Variants in AGMO observed in about 807,000 individuals in gnomAD.
AGMO encodes the protein glyceryl-ether monooxygenase.
AGMO carries 75 observed loss-of-function variants against 60.2 expected under a neutral mutation model. The ratio of observed to expected loss-of-function variants is 1.25; its 90% CI spans 1.03 to 1.51. AGMO has a LOEUF of 1.51. AGMO is among the 40% of genes most tolerant of loss of function. AGMO has a pLI of 0.00. For synonymous variants in AGMO, 261 were observed against 177.1 expected (o/e 1.47, Z -3.76); for missense variants, 763 against 525.5 (o/e 1.45, Z -4.42).
intron 12 of AGMO, among the ~76,000 whole-genome samples, chr7:15,279,758 C>A (rs566092854): frequency 3.3e-3 from 506 of 152,294 alleles, no homozygotes; most frequent in African/African-American, 0.011. Flanking sequence ...TGGGGATAAA[C>A]TGCCTCTAGG....
rs1210783212 is a variant in AGMO, at chr7:15,431,076, G to A, written c.442C>T (p.His148Tyr). ...AAGTTATAGTCTTCAGAACTATGAT[G>A]TGTTTGGTGTCCGGCCCACATAATA... ...VNIMWAGHQT[H>Y]HSSEDYNLST... The change falls in exon 4 of 13, where the codon CAT becomes TAT. Residue 148 changes from histidine (H) to tyrosine (Y), a missense_variant. Coordinates refer to ENST00000342526, the MANE Select transcript of AGMO (RefSeq NM_001004320.2). 1 of 1,611,418 alleles carries A rather than the reference G, an allele frequency of 6.2e-7. No individual in the cohort carries two copies. Among genetic ancestry groups the A allele is most frequent in the East Asian group, 2.2e-5 (1 of 44,792 alleles).
intron 12 of AGMO, among the ~76,000 whole-genome samples, chr7:15,241,133 T>C (rs982531882): frequency 6.6e-6 from 1 of 151,854 alleles, no homozygotes; most frequent in Non-Finnish European, 1.5e-5. Context: ...ATGCGCTCAC[T>C]CTGGTAGGTA....
chr7:15,394,582 A>G (rs1036219089), intron 5 of AGMO, among the ~76,000 whole-genome samples: 2 of 152,176 alleles, frequency 1.3e-5, no homozygotes, highest in African/African-American at 2.4e-5. Context: ...ACACACCACT[A>G]TCACCAAGGC....
At chr7:15,431,151 A>C (rs780040135) in intron 3 of AGMO, 43 bp from the exon 4 acceptor site, 2 of 1,421,900 alleles carry the variant, frequency 1.4e-6, no homozygotes, top group South Asian at 2.3e-5. Flanking sequence ...GAATAAGAAC[A>C]AAGCAACTTC....
the AGMO span, among the ~76,000 whole-genome samples, chr7:15,159,760 A>G: frequency 6.6e-6 from 1 of 152,198 alleles, no homozygotes; most frequent in South Asian, 2.1e-4. Context: ...CTCAGAAAAA[A>G]TATTTCAAAG....
In AGMO at chr7:15,213,327, A is replaced by AT. The variant is rs1781647806; in HGVS notation, c.1264-11969dup. Among the ~76,000 whole-genome samples, 3 of 151,826 alleles carry AT rather than the reference A, an allele frequency of 2.0e-5. 1 individual carries two copies. Among genetic ancestry groups the AT allele is most frequent in the African/African-American group, 4.8e-5 (2 of 41,404 alleles). On this transcript the variant is annotated intron_variant, in intron 12 of 12. Transcript: ENST00000342526. Reference sequence around the variant, plus strand: ...GGGTCACAAATAGCTGAATTGTTTTATTTTCTCAGGACAAGCAGTTTATTT... The same window carrying AT: ...GGGTCACAAATAGCTGAATTGTTTTATTTTTCTCAGGACAAGCAGTTTATTT...
intron 12 of AGMO, among the ~76,000 whole-genome samples, chr7:15,343,697 G>A (rs558169314): frequency 3.6e-4 from 54 of 152,096 alleles, no homozygotes; most frequent in African/African-American, 1.3e-3. Context: ...TGAGCTTTGT[G>A]GTTTCAGCTT....
chr7:15,542,780 T>C (rs1232148657), intron 3 of AGMO, among the ~76,000 whole-genome samples: 1 of 152,208 alleles, frequency 6.6e-6, no homozygotes, highest in Non-Finnish European at 1.5e-5. Flanking sequence ...TTTGCATTTA[T>C]ATATGAGGAA....
chr7:15,472,301 A>C (rs1399265232), intron 3 of AGMO, among the ~76,000 whole-genome samples: 1 of 151,954 alleles, frequency 6.6e-6, no homozygotes, highest in East Asian at 1.9e-4. Flanking sequence ...AGAAAGAATA[A>C]TTGACAAAAA....
chr7:15,248,227 T>TATATGTATATATA, intron 12 of AGMO, among the ~76,000 whole-genome samples: 1 of 118,116 alleles, frequency 8.5e-6, no homozygotes, highest in Non-Finnish European at 1.8e-5. Context: ...TATATATATC[T>TATATGTATATATA]TCATCTTCAA....
intron 5 of AGMO, among the ~76,000 whole-genome samples, chr7:15,404,774 A>C (rs1323331343): frequency 6.6e-6 from 1 of 151,904 alleles, no homozygotes; most frequent in Non-Finnish European, 1.5e-5. Flanking sequence ...AATTTCAGAT[A>C]TGACTTCTAC....
rs1782156528 is a variant in AGMO at position 15,349,520 on chromosome 7, A to G, written c.1263+15994T>C. On this transcript the variant is annotated intron_variant, in intron 12 of 12. Coordinates refer to ENST00000342526, the MANE Select transcript of AGMO (RefSeq NM_001004320.2). ...TTGTTTCTATGTTCTCAAACACCAT[A>G]TACCAAAAAATCTCATAGACCCAAT... 1.3e-5 allele frequency among the ~76,000 whole-genome samples: 2 copies of G among 152,106 alleles called. 1 individual carries two copies. The highest frequency in any genetic ancestry group is 4.1e-4 in the South Asian group (2 of 4,834).
intron 2 of AGMO, among the ~76,000 whole-genome samples, chr7:15,545,476 T>C (rs1355893958): frequency 6.6e-6 from 1 of 151,908 alleles, no homozygotes; most frequent in Non-Finnish European, 1.5e-5. Flanking sequence ...CTTTTTATTT[T>C]CTCTTTCACA....
At chr7:15,313,711 C>G (rs955116856) in intron 12 of AGMO, among the ~76,000 whole-genome samples, 5 of 152,028 alleles carry the variant, frequency 3.3e-5, no homozygotes, top group Non-Finnish European at 5.9e-5. Context: ...TGCCTAAAAC[C>G]ACGGATCATA....
intron 3 of AGMO, among the ~76,000 whole-genome samples, chr7:15,535,673 A>G (rs1302638304): frequency 2.0e-5 from 3 of 151,970 alleles, no homozygotes; most frequent in Non-Finnish European, 1.5e-5. Context: ...GGTACATACT[A>G]GGTGTATATA....
At chr7:15,412,182 T>C (rs1000318061) in intron 5 of AGMO, among the ~76,000 whole-genome samples, 1 of 152,160 alleles carries the variant, frequency 6.6e-6, no homozygotes, top group African/African-American at 2.4e-5. Flanking sequence ...ATTTTGCACA[T>C]TGCATCCTTG....
At chr7:15,459,190 G>A (rs906141272) in intron 3 of AGMO, among the ~76,000 whole-genome samples, 2 of 152,066 alleles carry the variant, frequency 1.3e-5, no homozygotes, top group African/African-American at 2.4e-5. Flanking sequence ...CACGGGTTTC[G>A]TCAATTTGAT....
intron 4 of AGMO, among the ~76,000 whole-genome samples, chr7:15,427,363 C>T (rs1781094895): frequency 1.3e-5 from 2 of 152,146 alleles, no homozygotes; most frequent in Non-Finnish European, 2.9e-5. Flanking sequence ...CCTTTACTTG[C>T]TTTCCCCTAT....
intron 3 of AGMO, among the ~76,000 whole-genome samples, chr7:15,435,790 T>A (rs2128499830): frequency 6.6e-6 from 1 of 152,268 alleles, no homozygotes; most frequent in East Asian, 1.9e-4. Context: ...TTGGAGAAAT[T>A]TTTCAGAAAA....
Sources: allele counts gnomAD v4.1 joint callset (sites outside exome capture counted in the v4.1 genomes callset), GRCh38; gene constraint gnomAD v4.1.1; transcripts MANE v1.5; gene names NCBI Gene and HGNC (gene_info 2026-07-23, HGNC 2026-07-21).